Variants in DUSP19 observed in about 807,000 individuals in gnomAD.
DUSP19 encodes dual specificity protein phosphatase 19.
Under a neutral mutation model 16.6 loss-of-function variants are expected in DUSP19, and 14 were observed. That is an observed-to-expected ratio of 0.84 (90% CI 0.56 to 1.32). The LOEUF is 1.32. Among genes scored for constraint, DUSP19 ranks in the 40% most tolerant of loss-of-function variants. DUSP19 has a pLI of 0.00. For missense variants in DUSP19, 258 were observed against 255.9 expected (o/e 1.01, Z -0.06); for synonymous variants, 81 against 90.5 (o/e 0.90, Z 0.59).
Position 183,097,395 on chromosome 2 carries a change from G to A in DUSP19, c.*1737G>A, listed in dbSNP as rs896842674. ...TGCCATGTAGGTTTTATTTTTAAAA[G>A]TCTTGAGCTCTTCTTAAATATACAT... On this transcript the variant is annotated 3_prime_UTR_variant, in exon 4 of 4. Coordinates refer to ENST00000354221, the MANE Select transcript of DUSP19 (RefSeq NM_080876.4). The A allele has an allele frequency of 6.6e-6, 1 of 152,142 alleles. No individual in the cohort carries two copies. Among genetic ancestry groups the A allele is most frequent in the Admixed American group, 6.5e-5 (1 of 15,274 alleles). The allele number at this position is 152,142 out of a possible 1,614,324, so 9.4% of individuals were successfully genotyped here.
rs139502765 is a variant in DUSP19, at chr2:183,079,473, A to G, written c.226+314A>G. Among the ~76,000 whole-genome samples the G allele has an allele frequency of 2.3e-3, 354 of 152,250 alleles. 1 individual carries two copies. Among genetic ancestry groups the G allele is most frequent in the Middle Eastern group, 0.017 (5 of 294 alleles). On this transcript the variant is annotated intron_variant, in intron 1 of 3. Transcript: ENST00000354221. ...TGTTGTGTTTTCTTGGCTTATAAAA[A>G]ATACAGCTTGAAAAAAAAGGAATGA... is the stretch of plus-strand genomic sequence containing the variant.
chr2:183,090,948 C>T (rs538823606), intron 3 of DUSP19, among the ~76,000 whole-genome samples: 6 of 152,270 alleles, frequency 3.9e-5, no homozygotes, highest in South Asian at 2.1e-4. Context: ...CATGTGAGAT[C>T]GGGAACTCTG....
At position 183,087,113 on chromosome 2, in the gene DUSP19, C is replaced by T; in HGVS notation, c.347C>T (p.Ser116Phe). 6.2e-7 allele frequency: 1 copy of T among 1,613,270 alleles called. No homozygotes were observed. Among genetic ancestry groups the T allele is most frequent in the Non-Finnish European group, 8.5e-7 (1 of 1,179,802 alleles). Reference protein sequence around the residue: ...FLSDFTYKSISILDLPETNIL... With the variant: ...FLSDFTYKSIFILDLPETNIL... Reference sequence around the variant, plus strand: ...AGTGACTTTACATATAAGAGCATTTCTATATTGGATCTGCCTGAAACCAAC... The same window carrying T: ...AGTGACTTTACATATAAGAGCATTTTTATATTGGATCTGCCTGAAACCAAC... Residue 116 changes from serine to phenylalanine, a missense_variant, in exon 3 of 4, where the codon TCT becomes TTT. By Grantham distance (155) the Ser-to-Phe change is radical. Coordinates refer to ENST00000354221, the MANE Select transcript of DUSP19 (RefSeq NM_080876.4).
chr2:183,093,536 C>T (rs1699758739), intron 3 of DUSP19, among the ~76,000 whole-genome samples: 1 of 152,012 alleles, frequency 6.6e-6, no homozygotes. Flanking sequence ...CTATTTTGAG[C>T]TCTGGAAAAG....
In DUSP19 at chr2:183,084,631, T is replaced by C. The variant is rs575476157; in HGVS notation, c.273+1077T>C. ...CACAAAAGGCCATGTAAGCCAAAGT[T>C]AGTTGTGTGGACTTGATCCAAAAGA... On this transcript the variant is annotated intron_variant, in intron 2 of 3. Coordinates refer to ENST00000354221, the MANE Select transcript of DUSP19 (RefSeq NM_080876.4). Among the ~76,000 whole-genome samples the C allele has an allele frequency of 7.2e-5, 11 of 152,052 alleles. No individual in the cohort carries two copies. In the South Asian group the frequency reaches 2.3e-3, roughly 32 times the overall value.
intron 3 of DUSP19, among the ~76,000 whole-genome samples, chr2:183,090,695 T>C (rs1699721239): frequency 6.6e-6 from 1 of 152,270 alleles, no homozygotes; most frequent in African/African-American, 2.4e-5. Context: ...TATTCTTTTA[T>C]AGCCTGCCTT....
intron 2 of DUSP19, among the ~76,000 whole-genome samples, chr2:183,084,568 G>A (rs1699636892): frequency 6.6e-6 from 1 of 152,128 alleles, no homozygotes; most frequent in Admixed American, 6.6e-5. Flanking sequence ...AGGGCACCAA[G>A]AGACAAGGCC....
intron 1 of DUSP19, 120 bp from the exon 2 acceptor site, chr2:183,083,388 A>C: frequency 1.1e-6 from 1 of 908,130 alleles, no homozygotes; most frequent in East Asian, 2.7e-5. Flanking sequence ...AGAAAGTTGG[A>C]CTAAGGTCCT....
chr2:183,091,419 C>T (rs1699730882), intron 3 of DUSP19, among the ~76,000 whole-genome samples: 1 of 152,076 alleles, frequency 6.6e-6, no homozygotes, highest in Admixed American at 6.5e-5. Flanking sequence ...CGGAGCAGGT[C>T]CAAGCAGCGG....
intron 3 of DUSP19, 131 bp from the exon 4 acceptor site, chr2:183,095,299 TA>T: frequency 1.3e-6 from 1 of 764,502 alleles, no homozygotes; most frequent in Non-Finnish European, 2.0e-6. Context: ...AATAATCAAA[TA>T]AATTGAATCA....
intron 3 of DUSP19, among the ~76,000 whole-genome samples, chr2:183,089,101 T>A (rs1357248740): frequency 6.6e-6 from 1 of 152,188 alleles, no homozygotes; most frequent in Non-Finnish European, 1.5e-5. Context: ...TTGGGTTTCC[T>A]AAAAATAAAG....
Position 183,095,713 on chromosome 2 carries a change from C to T in DUSP19, c.*55C>T. On this transcript the variant is annotated 3_prime_UTR_variant, in exon 4 of 4. Coordinates refer to ENST00000354221, the MANE Select transcript of DUSP19 (RefSeq NM_080876.4). Reference sequence around the variant, plus strand: ...TAGTTTCTGAATTGACTTCTATAGCCATCTTTTCCCTTTTTTGGAGAGTAG... The same window carrying T: ...TAGTTTCTGAATTGACTTCTATAGCTATCTTTTCCCTTTTTTGGAGAGTAG... 1 of 1,404,880 alleles carries T rather than the reference C, an allele frequency of 7.1e-7. No individual in the cohort carries two copies. Among genetic ancestry groups the T allele is most frequent in the Non-Finnish European group, 9.8e-7 (1 of 1,023,078 alleles). The allele number at this position is 1,404,880 out of a possible 1,614,324, so 87.0% of individuals were successfully genotyped here.
chr2:183,096,990 T>G lies in DUSP19; in HGVS notation c.*1332T>G, dbSNP rs1456623596. The G allele has an allele frequency of 2.0e-5, 3 of 152,326 alleles. No individual in the cohort carries two copies. The highest frequency in any genetic ancestry group is 7.2e-5 in the African/African-American group (3 of 41,420). 9.4% of individuals were successfully genotyped at this position (152,326 alleles called of 1,614,324 possible). On this transcript the variant is annotated 3_prime_UTR_variant, in exon 4 of 4. Transcript: ENST00000354221. ...ATTTTTTCTTCAGAATATGGTATAC[T>G]TAAAATTAATTAATTAAGACAGTTT...
intron 2 of DUSP19, among the ~76,000 whole-genome samples, chr2:183,084,406 G>T (rs866809089): frequency 6.7e-6 from 1 of 150,156 alleles, no homozygotes; most frequent in Non-Finnish European, 1.5e-5. Context: ...CAGACTGGGC[G>T]ACAAAGCAAG....
At chr2:183,084,169 G>C (rs893075771) in intron 2 of DUSP19, among the ~76,000 whole-genome samples, 1 of 152,162 alleles carries the variant, frequency 6.6e-6, no homozygotes, top group Non-Finnish European at 1.5e-5. Flanking sequence ...CTGTAGAAGT[G>C]CATAGGAGAT....
chr2:183,083,630 TC>T, intron 2 of DUSP19, 76 bp downstream of exon 2: 1 of 1,307,446 alleles, frequency 7.6e-7, no homozygotes, highest in Admixed American at 2.0e-5. Flanking sequence ...ACTGTATTGG[TC>T]CATCTTTGGT....
chr2:183,092,829 A>C (rs1699749786), intron 3 of DUSP19, among the ~76,000 whole-genome samples: 1 of 149,724 alleles, frequency 6.7e-6, no homozygotes, highest in Admixed American at 6.8e-5. Context: ...TCAGCCTCCT[A>C]AGTAGCTGGG....
intron 3 of DUSP19, among the ~76,000 whole-genome samples, chr2:183,093,718 C>A (rs1699762954): frequency 6.6e-6 from 1 of 152,010 alleles, no homozygotes; most frequent in Admixed American, 6.6e-5. Context: ...ATTGGATGCA[C>A]AATGTGTAAG....
chr2:183,094,969 T>C (rs1356467234), intron 3 of DUSP19, among the ~76,000 whole-genome samples: 2 of 152,214 alleles, frequency 1.3e-5, no homozygotes, highest in African/African-American at 4.8e-5. Context: ...TATACACTTA[T>C]CTACTAAGTT....
Sources: allele counts gnomAD v4.1 joint callset (sites outside exome capture counted in the v4.1 genomes callset), GRCh38; gene constraint gnomAD v4.1.1; transcripts MANE v1.5; gene names NCBI Gene and HGNC (gene_info 2026-07-23, HGNC 2026-07-21).